KLHL14: variants seen among roughly 807,000 people sequenced by gnomAD.
The protein encoded by KLHL14 is kelch-like protein 14.
KLHL14 carries 22 observed loss-of-function variants against 64.3 expected under a neutral mutation model. That is an observed-to-expected ratio of 0.34 (90% CI 0.24 to 0.49). The LOEUF (loss-of-function observed/expected upper bound fraction) is 0.49. Among genes scored for constraint, KLHL14 ranks in the 20% least tolerant of loss-of-function variants. The pLI is 0.99. For synonymous variants in KLHL14, 322 were observed against 333.4 expected (o/e 0.97, Z 0.37); for missense variants, 661 against 789.0 (o/e 0.84, Z 1.94).
chr18:32,688,576 G>A (rs540880566), intron 4 of KLHL14, among the ~76,000 whole-genome samples: 2 of 152,334 alleles, frequency 1.3e-5, no homozygotes, highest in South Asian at 4.1e-4. Flanking sequence ...TCTGCAGAAT[G>A]AGCCTCTCAG....
At chr18:32,736,458 A>T (rs557622782) in intron 3 of KLHL14, among the ~76,000 whole-genome samples, 1 of 152,244 alleles carries the variant, frequency 6.6e-6, no homozygotes, top group Admixed American at 6.5e-5. Flanking sequence ...GAAACAAAAA[A>T]TTCCAAGCTA....
chr18:32,759,490 C>G (rs1316789963), intron 2 of KLHL14, among the ~76,000 whole-genome samples: 1 of 152,102 alleles, frequency 6.6e-6, no homozygotes, highest in African/African-American at 2.4e-5. Context: ...GATGTACACA[C>G]ATTATTTTAA....
At chr18:32,709,648 T>C (rs2050009180) in intron 3 of KLHL14, among the ~76,000 whole-genome samples, 1 of 152,132 alleles carries the variant, frequency 6.6e-6, no homozygotes, top group Non-Finnish European at 1.5e-5. Flanking sequence ...GGAATCTTGC[T>C]ATGTTGCCCA....
intron 2 of KLHL14, among the ~76,000 whole-genome samples, chr18:32,768,142 T>C (rs771711665): frequency 5.3e-5 from 8 of 152,220 alleles, no homozygotes; most frequent in Admixed American, 2.0e-4. Flanking sequence ...TTGTGCTCAC[T>C]GTTAAAAGCA....
chr18:32,680,308 T>C lies in KLHL14; in HGVS notation c.1449A>G (p.Glu483=). 6.2e-7 allele frequency: 1 copy of C among 1,613,924 alleles called. No homozygotes were observed. Among genetic ancestry groups the C allele is most frequent in the Non-Finnish European group, 8.5e-7 (1 of 1,179,858 alleles). ...CATAGCAATATAGCCATGGGACATA[T>C]TCTCCATTGTGTACACCCCCTGTGA... ...IYISGGVHNG[E]YVPWLYCYDP... Residue 483 remains glutamate (E), a synonymous_variant, in exon 7 of 9, where the codon GAA becomes GAG. Transcript: ENST00000359358. This position sits in a 1 kb window ranked among gnomAD's most constrained non-coding sequence, Gnocchi z 4.8.
At chr18:32,756,058 CA>C (rs2050279922) in intron 2 of KLHL14, among the ~76,000 whole-genome samples, 2 of 152,134 alleles carry the variant, frequency 1.3e-5, no homozygotes, top group East Asian at 1.9e-4. Context: ...GTGTTCCCTC[CA>C]AATTCATGTG....
In KLHL14 at chr18:32,674,394, G is replaced by A. The variant is rs2049800427; in HGVS notation, c.*263C>T. ...TTGCAAGTTAAGATTCACATGAAGA[G>A]TTTTTGTAAAGCTGGGATAAGTTAA... On this transcript the variant is annotated 3_prime_UTR_variant, in exon 9 of 9. Transcript: ENST00000359358. 2 of 381,676 alleles carry A rather than the reference G, an allele frequency of 5.2e-6. No individual in the cohort carries two copies. Among genetic ancestry groups the A allele is most frequent in the African/African-American group, 4.0e-5 (2 of 49,858 alleles). The allele number at this position is 381,676 out of a possible 1,614,324, so 23.6% of individuals were successfully genotyped here.
intron 7 of KLHL14, among the ~76,000 whole-genome samples, chr18:32,678,463 A>G (rs2049821600): frequency 6.6e-6 from 1 of 152,180 alleles, no homozygotes; most frequent in African/African-American, 2.4e-5. Flanking sequence ...AGATGGTGGA[A>G]CAACAGAACA....
In KLHL14 at chr18:32,770,901, C is replaced by G; in HGVS notation, c.-43-267G>C. ...GCGGCTCCTCTCGCCACCTCCCACA[C>G]ACTTCGTCCCTCACTTTCCTAAAAC... On this transcript the variant is annotated intron_variant, in intron 1 of 8. Coordinates refer to ENST00000359358, the MANE Select transcript of KLHL14 (RefSeq NM_020805.3). This position sits in a 1 kb window ranked among gnomAD's most constrained non-coding sequence, Gnocchi z 6.7. 1 of 483,270 alleles carries G rather than the reference C, an allele frequency of 2.1e-6. No homozygotes were observed. The highest frequency in any genetic ancestry group is 3.8e-6 in the Non-Finnish European group (1 of 262,502). 29.9% of individuals were successfully genotyped at this position (483,270 alleles called of 1,614,324 possible).
At chr18:32,719,492 T>C (rs1371727131) in intron 3 of KLHL14, among the ~76,000 whole-genome samples, 1 of 152,226 alleles carries the variant, frequency 6.6e-6, no homozygotes, top group African/African-American at 2.4e-5. Context: ...TATAACATTT[T>C]ATATACGTCA....
intron 2 of KLHL14, among the ~76,000 whole-genome samples, chr18:32,762,995 T>C (rs1373219190): frequency 6.6e-6 from 1 of 152,064 alleles, no homozygotes; most frequent in African/African-American, 2.4e-5. Flanking sequence ...CCTGAAAGTA[T>C]CCCCAACATG....
chr18:32,754,914 T>A (rs891876366), intron 2 of KLHL14, among the ~76,000 whole-genome samples: 2 of 152,152 alleles, frequency 1.3e-5, no homozygotes, highest in Non-Finnish European at 2.9e-5. Flanking sequence ...GAAATCATCC[T>A]GGGGCAAAGA....
At chr18:32,751,464 T>C (rs2050251327) in intron 2 of KLHL14, among the ~76,000 whole-genome samples, 2 of 152,182 alleles carry the variant, frequency 1.3e-5, no homozygotes, top group African/African-American at 4.8e-5. Context: ...TAGGCAGCTT[T>C]TCCAGTGTGC....
At chr18:32,711,707 T>C (rs1186672171) in intron 3 of KLHL14, among the ~76,000 whole-genome samples, 1 of 152,212 alleles carries the variant, frequency 6.6e-6, no homozygotes, top group Non-Finnish European at 1.5e-5. Context: ...CTGACTCTTT[T>C]TCACTGTTCC....
At chr18:32,726,043 T>G in intron 3 of KLHL14, among the ~76,000 whole-genome samples, 1 of 152,208 alleles carries the variant, frequency 6.6e-6, no homozygotes, top group East Asian at 1.9e-4. Flanking sequence ...TACCAAGTGG[T>G]GTGATTTGTG....
intron 3 of KLHL14, among the ~76,000 whole-genome samples, chr18:32,698,366 G>A (rs1484177614): frequency 6.6e-5 from 10 of 152,128 alleles, no homozygotes; most frequent in Non-Finnish European, 1.5e-4. Flanking sequence ...GTGAGTTAGA[G>A]GGAAAGGGGA....
intron 3 of KLHL14, among the ~76,000 whole-genome samples, chr18:32,740,355 T>C (rs1312477229): frequency 6.6e-6 from 1 of 152,234 alleles, no homozygotes; most frequent in Non-Finnish European, 1.5e-5. Flanking sequence ...TTAATTCATC[T>C]TTTTGTCTTT....
rs1288271552 is a variant in KLHL14, at chr18:32,736,491, T to C, written c.1069+5437A>G. ...CTAAGAGAGATCAACTGCTATGATA[T>C]TGTATATAATATTTAGATCCCTGTT... On this transcript the variant is annotated intron_variant, in intron 3 of 8. Transcript: ENST00000359358. 2.0e-5 allele frequency among the ~76,000 whole-genome samples: 3 copies of C among 152,118 alleles called. No individual in the cohort carries two copies. The East Asian group carries it at 5.8e-4, about 29-fold the overall frequency.
intron 3 of KLHL14, among the ~76,000 whole-genome samples, chr18:32,698,966 G>A (rs974706535): frequency 6.6e-6 from 1 of 152,300 alleles, no homozygotes; most frequent in East Asian, 1.9e-4. Context: ...TATTGTCACA[G>A]TATTTACTCT....
Sources: gnomAD v4.1 joint callset for allele counts (sites outside exome capture counted in the v4.1 genomes callset) on GRCh38, gnomAD v4.1.1 for gene constraint, Gnocchi (gnomAD v3.1) non-coding constraint, MANE v1.5 for transcripts, NCBI Gene and HGNC (gene_info 2026-07-23, HGNC 2026-07-21) for gene names.